Variants in NSG2 observed in about 807,000 individuals in gnomAD.
NSG2 encodes neuronal vesicle trafficking-associated protein 2.
In NSG2, 4 loss-of-function variants were observed where a neutral mutation model predicts 16.9. That is an observed-to-expected ratio of 0.24 (90% CI 0.12 to 0.54). NSG2 has a LOEUF of 0.54. Among genes scored for constraint, NSG2 ranks in the 20% least tolerant of loss-of-function variants. The pLI, the probability that NSG2 is intolerant of heterozygous loss-of-function variation, is 0.95. For missense variants in NSG2, 179 were observed against 221.1 expected, an observed-to-expected ratio of 0.81 and a Z score of 1.21; for synonymous variants, 98 against 88.7, an observed-to-expected ratio of 1.11 and a Z score of -0.59.
intron 3 of NSG2, among the ~76,000 whole-genome samples, chr5:174,090,920 G>A (rs541589749): frequency 1.7e-3 from 255 of 152,296 alleles, no homozygotes; most frequent in African/African-American, 5.9e-3. Context: ...TCTGGCAGGG[G>A]AACCCCCACT....
chr5:174,084,633 A>G (rs754285203), intron 3 of NSG2, among the ~76,000 whole-genome samples: 58 of 152,200 alleles, frequency 3.8e-4, no homozygotes, highest in Admixed American at 1.2e-3. Flanking sequence ...ACCTCCAGCC[A>G]TGTGGTTTGT....
chr5:174,052,313 G>T (rs1359793511), intron 2 of NSG2, among the ~76,000 whole-genome samples: 1 of 152,100 alleles, frequency 6.6e-6, no homozygotes, highest in Non-Finnish European at 1.5e-5. Context: ...GGGTGGGGAG[G>T]CTAGTGGTAT....
intron 3 of NSG2, among the ~76,000 whole-genome samples, chr5:174,079,061 A>G (rs1760399612): frequency 6.6e-6 from 1 of 152,004 alleles, no homozygotes; most frequent in Non-Finnish European, 1.5e-5. Context: ...CTTCCCTTTT[A>G]ATTAATAAAT....
At chr5:174,046,590 A>G in intron 1 of NSG2, 144 bp from the exon 2 acceptor site, 1 of 648,236 alleles carries the variant, frequency 1.5e-6, no homozygotes. Context: ...TCATGTCTGG[A>G]AATCTAGTGG....
chr5:174,084,935 G>A (rs1003039242), intron 3 of NSG2, among the ~76,000 whole-genome samples: 14 of 152,226 alleles, frequency 9.2e-5, no homozygotes, highest in African/African-American at 3.1e-4. Context: ...TCTTTGTACA[G>A]TCAGAATGGT....
chr5:174,097,025 T>C (rs982286522), intron 3 of NSG2, among the ~76,000 whole-genome samples: 2 of 152,164 alleles, frequency 1.3e-5, no homozygotes, highest in African/African-American at 2.4e-5. Context: ...ATAATAATTC[T>C]ACTTCGTATG....
chr5:174,091,683 G>GTC (rs2113466572), intron 3 of NSG2, among the ~76,000 whole-genome samples: 1 of 147,974 alleles, frequency 6.8e-6, no homozygotes, highest in African/African-American at 2.5e-5. Flanking sequence ...GTGTGTGTGT[G>GTC]TGTCTGGGGC....
At chr5:174,092,461 T>C (rs940666631) in intron 3 of NSG2, among the ~76,000 whole-genome samples, 2 of 152,148 alleles carry the variant, frequency 1.3e-5, no homozygotes, top group Non-Finnish European at 2.9e-5. Flanking sequence ...ACACAGAGGG[T>C]ATGGCCCTGC....
At chr5:174,063,912 AAGC>A (rs1409306134) in intron 2 of NSG2, among the ~76,000 whole-genome samples, 25 of 152,334 alleles carry the variant, frequency 1.6e-4, no homozygotes, top group Admixed American at 1.5e-3. Flanking sequence ...TGTGTGATAA[AAGC>A]AGGTTATAAA....
At chr5:174,099,058 C>T (rs1354026284) in intron 3 of NSG2, among the ~76,000 whole-genome samples, 2 of 152,132 alleles carry the variant, frequency 1.3e-5, no homozygotes, top group African/African-American at 4.8e-5. Flanking sequence ...TCTCCCCGAC[C>T]CTCTTAGGCT....
At chr5:174,097,545 GTC>G (rs1409618595) in intron 3 of NSG2, among the ~76,000 whole-genome samples, 3 of 150,144 alleles carry the variant, frequency 2.0e-5, no homozygotes, top group Admixed American at 1.3e-4. Context: ...ATATGTGTGT[GTC>G]TGTATGTCTC....
intron 2 of NSG2, among the ~76,000 whole-genome samples, chr5:174,048,333 CA>C (rs2113414954): frequency 6.6e-6 from 1 of 152,270 alleles, no homozygotes; most frequent in Non-Finnish European, 1.5e-5. Context: ...GAGTGAGACC[CA>C]GGCATTAATA....
intron 3 of NSG2, among the ~76,000 whole-genome samples, chr5:174,069,419 G>A (rs1760198467): frequency 6.6e-6 from 1 of 152,098 alleles, no homozygotes; most frequent in African/African-American, 2.4e-5. Flanking sequence ...GCTGTGGAGA[G>A]GCACAGCTGT....
chr5:174,080,077 A>G (rs74595743), intron 3 of NSG2, among the ~76,000 whole-genome samples: 5,303 of 152,240 alleles, frequency 0.035, 144 homozygotes, highest in African/African-American at 0.076. Flanking sequence ...CTGACTTGAC[A>G]TACAACCTTT....
Position 174,107,320 on chromosome 5 carries a change from C to T in NSG2, c.331C>T (p.Arg111Cys), listed in dbSNP as rs1760997838. The T allele has an allele frequency of 1.9e-6, 3 of 1,559,310 alleles. No homozygotes were observed. Among genetic ancestry groups the T allele is most frequent in the Non-Finnish European group, 2.6e-6 (3 of 1,147,258 alleles). ...CTGTCTCTTTCTTCCCCAGCACAAA[C>T]GCTGTATCCCAGCCTCCCTGGATGC... is the stretch of plus-strand genomic sequence containing the variant. ...CPEGFVYKHK[R>C]CIPASLDAYY... is the part of the protein sequence containing the mutation. Residue 111 changes from arginine to cysteine, a missense_variant, in exon 5 of 5, where the codon CGC becomes TGC. Physicochemically the swap from Arg to Cys is radical, Grantham distance 180. Coordinates refer to ENST00000303177, the MANE Select transcript of NSG2 (RefSeq NM_015980.5). The surrounding 1 kb of genome is among the most constrained non-coding windows in gnomAD (Gnocchi z 4.5).
chr5:174,057,924 A>G (rs1561662263), intron 2 of NSG2, among the ~76,000 whole-genome samples: 1 of 152,170 alleles, frequency 6.6e-6, no homozygotes, highest in Non-Finnish European at 1.5e-5. Flanking sequence ...AAAGGTCCAA[A>G]GAGAGATGAC....
rs190968504 is a variant in NSG2, at chr5:174,108,325, G to T, written c.*820G>T. ...GCCCATGTTGACGAGACAGCAGCAGGGGGAGAGGGAGGGAAGGAAGGTGCG... is the reference window on the plus strand; with the variant it reads ...GCCCATGTTGACGAGACAGCAGCAGTGGGAGAGGGAGGGAAGGAAGGTGCG... On this transcript the variant is annotated 3_prime_UTR_variant, in exon 5 of 5. Transcript: ENST00000303177. 1.3e-5 allele frequency: 2 copies of T among 155,898 alleles called. No homozygotes were observed. The highest frequency in any genetic ancestry group is 6.2e-5 in the Admixed American group (1 of 16,088). The allele number at this position is 155,898 out of a possible 1,614,324, so 9.7% of individuals were successfully genotyped here.
chr5:174,064,292 G>A lies in NSG2; in HGVS notation c.190G>A (p.Val64Met). 3 of 1,611,642 alleles carry A rather than the reference G, an allele frequency of 1.9e-6. No homozygotes were observed. Among genetic ancestry groups the A allele is most frequent in the Non-Finnish European group, 2.5e-6 (3 of 1,178,422 alleles). ...ACAGAAGAACAAAGGGAAGTTCCGG[G>A]TGCCGAAAATCGCTGAATTTACGGT... ...PEQKNKGKFR[V>M]PKIAEFTVTI... Residue 64 changes from valine to methionine, a missense_variant, in exon 3 of 5, where the codon GTG becomes ATG. Coordinates refer to ENST00000303177, the MANE Select transcript of NSG2 (RefSeq NM_015980.5).
chr5:174,052,054 C>T (rs1240202896), intron 2 of NSG2, among the ~76,000 whole-genome samples: 1 of 152,098 alleles, frequency 6.6e-6, no homozygotes, highest in Non-Finnish European at 1.5e-5. Context: ...AGATTGCCCT[C>T]ATTGCTGTGA....
Sources: gnomAD v4.1 joint callset for allele counts (sites outside exome capture counted in the v4.1 genomes callset) on GRCh38, gnomAD v4.1.1 for gene constraint, Gnocchi (gnomAD v3.1) non-coding constraint, MANE v1.5 for transcripts, NCBI Gene and HGNC (gene_info 2026-07-23, HGNC 2026-07-21) for gene names.